CD36: variants seen among roughly 807,000 people sequenced by gnomAD.
The protein encoded by CD36 is CD36 molecule (CD36 blood group).
Under a neutral mutation model 55.2 loss-of-function variants are expected in CD36, and 119 were observed. The ratio of observed to expected loss-of-function variants is 2.15; its 90% CI spans 1.86 to 2.51. CD36 has a LOEUF of 2.51. CD36 is among the 30% of genes most tolerant of loss of function. The probability of loss-of-function intolerance (pLI) is 0.00; values close to 1 mark genes in which losing one functional copy is unlikely to be tolerated. For missense variants in CD36, 819 were observed against 555.5 expected, an observed-to-expected ratio of 1.47 and a Z score of -4.77; for synonymous variants, 186 against 193.6, an observed-to-expected ratio of 0.96 and a Z score of 0.33.
chr7:80,665,652 A>C (rs1272828708), intron 7 of CD36, among the ~76,000 whole-genome samples: 1 of 152,118 alleles, frequency 6.6e-6, no homozygotes, highest in Non-Finnish European at 1.5e-5. Flanking sequence ...ACTCCTAGTT[A>C]GAGTAAGAAT....
Position 80,673,364 on chromosome 7 carries a change from GAATCT to G in CD36, c.1210_1214del (p.Asn404GlufsTer12), listed in dbSNP as rs1562826782. On this transcript the variant is annotated frameshift_variant, in exon 13 of 15. Coordinates refer to ENST00000447544, the MANE Select transcript of CD36 (RefSeq NM_001001548.3). LOFTEE classifies it high-confidence loss of function. ...TCAACGTATATTACAGAGTATTAAA[GAATCT>G]GAAGAGGAACTATATTGTGCCTATT... 6.7e-7 allele frequency: 1 copy of G among 1,488,028 alleles called. No individual in the cohort carries two copies. Among genetic ancestry groups the G allele is most frequent in the African/African-American group, 1.4e-5 (1 of 72,362 alleles). 92.2% of individuals were successfully genotyped at this position (1,488,028 alleles called of 1,614,324 possible). A position where few individuals can be genotyped will look rare whatever the true frequency, so the allele number is the denominator to read the frequency against.
intron 1 of CD36, among the ~76,000 whole-genome samples, chr7:80,623,592 C>A (rs965307899): frequency 6.6e-6 from 1 of 152,052 alleles, no homozygotes; most frequent in Admixed American, 6.6e-5. Context: ...TTGCTTAATT[C>A]TTTCATATTG....
chr7:80,646,686 C>A lies in CD36; in HGVS notation c.-55C>A. On this transcript the variant is annotated 5_prime_UTR_variant, in exon 3 of 15. Transcript: ENST00000447544. ...TTGTAGAAACCACTTTAATCATATC[C>A]AGGAGTTTGCAAGAAACAGGTGCTT... The A allele has an allele frequency of 6.2e-7, 1 of 1,609,740 alleles. No homozygotes were observed. Among genetic ancestry groups the A allele is most frequent in the Non-Finnish European group, 8.5e-7 (1 of 1,176,590 alleles).
At chr7:80,672,128 C>G (rs1365925410) in intron 11 of CD36, 88 bp downstream of exon 11, 23 of 1,051,026 alleles carry the variant, frequency 2.2e-5, no homozygotes, top group Non-Finnish European at 3.1e-5. Flanking sequence ...ATTATTTATT[C>G]AATAAATAAT....
chr7:80,611,400 T>C (rs1442599378), intron 1 of CD36, among the ~76,000 whole-genome samples: 2 of 152,204 alleles, frequency 1.3e-5, no homozygotes, highest in Admixed American at 6.5e-5. Context: ...CTAATTTTTC[T>C]TCTTTGAGTT....
In CD36 at chr7:80,646,579, G is replaced by A. The variant is rs538254881; in HGVS notation, c.-89-73G>A. 4.5e-4 allele frequency: 360 copies of A among 792,442 alleles called. 3 individuals are homozygous for A. In the South Asian group the frequency reaches 5.5e-3, roughly 12 times the overall value. 49.1% of individuals were successfully genotyped at this position (792,442 alleles called of 1,614,324 possible). The stretch of plus-strand genomic sequence containing the variant: ...CGGGCAAAATGATACGTTTCAGTGG[G>A]TGTTTTCTTTGTACTTTGATCTTTT... On this transcript the variant is annotated intron_variant, in intron 2 of 14. Transcript: ENST00000447544.
At chr7:80,669,511 T>G (rs1011925314) in intron 8 of CD36, among the ~76,000 whole-genome samples, 1 of 152,064 alleles carries the variant, frequency 6.6e-6, no homozygotes, top group Non-Finnish European at 1.5e-5. Flanking sequence ...CACTGCAGTA[T>G]CCGCCTCCTG....
intron 1 of CD36, among the ~76,000 whole-genome samples, chr7:80,618,476 G>A (rs1399601234): frequency 6.6e-6 from 1 of 152,184 alleles, no homozygotes; most frequent in Non-Finnish European, 1.5e-5. Flanking sequence ...CATATTGAAA[G>A]CTAAGATAGG....
chr7:80,621,697 A>C (rs1300063948), intron 1 of CD36, among the ~76,000 whole-genome samples: 1 of 152,256 alleles, frequency 6.6e-6, no homozygotes, highest in Non-Finnish European at 1.5e-5. Flanking sequence ...AATTAACTTC[A>C]TACTAGTAAC....
chr7:80,646,900 G>A (rs755451468), intron 3 of CD36, 40 bp downstream of exon 3: 1 of 1,609,792 alleles, frequency 6.2e-7, no homozygotes, highest in African/African-American at 1.3e-5. Flanking sequence ...CATTTTGATT[G>A]ATTCTAACTT....
At chr7:80,660,849 T>C (rs1394394173) in intron 4 of CD36, among the ~76,000 whole-genome samples, 2 of 152,186 alleles carry the variant, frequency 1.3e-5, no homozygotes, top group African/African-American at 2.4e-5. Flanking sequence ...TCCTTCTCTC[T>C]CACTATTTTA....
chr7:80,656,386 G>C (rs1796066137), intron 3 of CD36, among the ~76,000 whole-genome samples, 154 bp from the exon 4 acceptor site: 1 of 152,164 alleles, frequency 6.6e-6, no homozygotes, highest in Middle Eastern at 3.2e-3. Flanking sequence ...AAACATTTCT[G>C]CTGCAAGTGT....
chr7:80,650,175 G>A (rs1795491327), intron 3 of CD36, among the ~76,000 whole-genome samples: 1 of 152,016 alleles, frequency 6.6e-6, no homozygotes, highest in African/African-American at 2.4e-5. Context: ...TCAAATGACA[G>A]TGCACATTGT....
At chr7:80,605,580 AAGC>A in intron 1 of CD36, among the ~76,000 whole-genome samples, 1 of 152,260 alleles carries the variant, frequency 6.6e-6, no homozygotes, top group South Asian at 2.1e-4. Flanking sequence ...TGCTTGCTCT[AAGC>A]TTCTCGTTTT....
Position 80,669,992 on chromosome 7 carries a change from TATTGCAGTTCTTTTCTTCTG to T in CD36, c.791_810del (p.Leu264TyrfsTer10), listed in dbSNP as rs1562819863. Reference sequence around the variant, plus strand: ...CCACCTTTTGTTGAGAAAAGCCAGGTATTGCAGTTCTTTTCTTCTGATATTTGCAGGTAAGACAGATACTG... The same window carrying T: ...CCACCTTTTGTTGAGAAAAGCCAGGTATATTTGCAGGTAAGACAGATACTG... On this transcript the variant is annotated frameshift_variant, in exon 9 of 15. Transcript: ENST00000447544. LOFTEE classifies it high-confidence loss of function. 1 of 1,611,734 alleles carries T rather than the reference TATTGCAGTTCTTTTCTTCTG, an allele frequency of 6.2e-7. No homozygotes were observed. The highest frequency in any genetic ancestry group is 1.7e-5 in the Admixed American group (1 of 59,970).
intron 5 of CD36, 102 bp from the exon 6 acceptor site, chr7:80,662,887 CT>C: frequency 1.1e-6 from 1 of 929,410 alleles, no homozygotes; most frequent in East Asian, 2.6e-5. Flanking sequence ...TAAAGATAAG[CT>C]TTAAAAAGTT....
At chr7:80,604,567 C>A (rs1584251374) in intron 1 of CD36, among the ~76,000 whole-genome samples, 1 of 150,958 alleles carries the variant, frequency 6.6e-6, no homozygotes, top group Non-Finnish European at 1.5e-5. Context: ...TACTCAGAGA[C>A]CTTTGTCACA....
At chr7:80,675,496 T>C (rs988309001) in intron 14 of CD36, among the ~76,000 whole-genome samples, 3 of 152,194 alleles carry the variant, frequency 2.0e-5, no homozygotes, top group African/African-American at 7.2e-5. Context: ...GGTCTATTTA[T>C]AGCTAAATTA....
Position 80,672,807 on chromosome 7 carries a change from AGGTCAACCTATT to A in CD36, c.1170_1181del (p.Asn390_Val393del), listed in dbSNP as rs1267289679. 7 of 1,611,176 alleles carry A rather than the reference AGGTCAACCTATT, an allele frequency of 4.3e-6. No homozygotes were observed. The highest frequency in any genetic ancestry group is 3.3e-5 in the South Asian group (3 of 90,964). On this transcript the variant is annotated inframe_deletion, in exon 12 of 15. Transcript: ENST00000447544. ...ACTTTACAATTTGCAAAACGGCTGC[AGGTCAACCTATT>A]GGTCAAGCCATCAGAAAAAATTCAG...
Sources: gnomAD v4.1 joint callset for allele counts (sites outside exome capture counted in the v4.1 genomes callset) on GRCh38, gnomAD v4.1.1 for gene constraint, MANE v1.5 for transcripts, NCBI Gene and HGNC (gene_info 2026-07-23, HGNC 2026-07-21) for gene names.